APOL3: variants seen among roughly 807,000 people sequenced by gnomAD.
APOL3 encodes apolipoprotein L3, also known as TNF-inducible protein CG12-1.
APOL3 carries 14 observed loss-of-function variants against 11.6 expected under a neutral mutation model. That is an observed-to-expected ratio of 1.21 (90% CI 0.80 to 1.89). The LOEUF (loss-of-function observed/expected upper bound fraction) is 1.89. Ranked by LOEUF, APOL3 falls within the 40% of genes most tolerant of loss-of-function variation. The pLI is 0.00. For synonymous variants in APOL3, 192 were observed against 190.6 expected (o/e 1.01, Z -0.06); for missense variants, 483 against 492.1 (o/e 0.98, Z 0.17).
chr22:36,162,965 A>G (rs191466036), upstream of APOL3, among the ~76,000 whole-genome samples: 25 of 152,366 alleles, frequency 1.6e-4, no homozygotes, highest in African/African-American at 5.5e-4. Context: ...AGAAGTTGCA[A>G]TGAGTGTTGT....
chr22:36,145,634 A>G (rs770511468), intron 1 of APOL3, 35 bp from the exon 3 acceptor site: 12 of 1,609,678 alleles, frequency 7.5e-6, no homozygotes, highest in Non-Finnish European at 1.0e-5. Context: ...ATTGGAAGAA[A>G]GTGTGCTACA....
At chr22:36,148,548 C>T (rs1318229068) in intron 1 of APOL3, among the ~76,000 whole-genome samples, 1 of 152,218 alleles carries the variant, frequency 6.6e-6, no homozygotes, top group East Asian at 1.9e-4. Flanking sequence ...CAGTGGGACG[C>T]TGAGTCACTC....
intron 2 of APOL3, among the ~76,000 whole-genome samples, chr22:36,145,065 G>C (rs1014623108): frequency 4.0e-5 from 6 of 151,042 alleles, no homozygotes; most frequent in Non-Finnish European, 7.4e-5. Flanking sequence ...TTTTGGTCCT[G>C]GTCTCTCCCC....
intron 1 of APOL3, among the ~76,000 whole-genome samples, chr22:36,158,089 A>G (rs1364854818): frequency 6.6e-6 from 1 of 152,186 alleles, no homozygotes; most frequent in East Asian, 1.9e-4. Flanking sequence ...AAAAATGGGT[A>G]AAAGATAGGA....
At chr22:36,163,761 C>T (rs143254651), upstream of APOL3, among the ~76,000 whole-genome samples, 376 of 152,368 alleles carry the variant, frequency 2.5e-3, 3 homozygotes, top group African/African-American at 8.8e-3. Context: ...GATCTCAGTG[C>T]TGTGTATTCT....
At chr22:36,146,009 T>TCACA (rs71193208) in intron 1 of APOL3, 48,347 of 119,694 alleles carry the variant, frequency 0.4, 8,641 homozygotes, top group Middle Eastern at 0.49. Context: ...TCTCACACAC[T>TCACA]CACACACACA....
chr22:36,163,943 A>T (rs1345407008), upstream of APOL3, among the ~76,000 whole-genome samples: 2 of 152,228 alleles, frequency 1.3e-5, no homozygotes, highest in Non-Finnish European at 2.9e-5. Flanking sequence ...CCTTTTTTTA[A>T]ATATTAGCTT....
intron 1 of APOL3, among the ~76,000 whole-genome samples, chr22:36,151,697 A>G (rs1224804243): frequency 6.6e-6 from 1 of 152,248 alleles, no homozygotes; most frequent in Non-Finnish European, 1.5e-5. Context: ...GCTCATGCCT[A>G]TAACCCCATA....
chr22:36,154,598 C>T (rs191805733), intron 1 of APOL3: 6 of 470,672 alleles, frequency 1.3e-5, no homozygotes, highest in African/African-American at 4.0e-5. Flanking sequence ...TGGAAGCTGG[C>T]GTGGACTCCC....
At chr22:36,149,291 A>G (rs2060339713) in intron 1 of APOL3, 149 bp from the exon 2 acceptor site, 2 of 1,305,728 alleles carry the variant, frequency 1.5e-6, no homozygotes, top group South Asian at 1.2e-5. Context: ...CCTGGGCCCC[A>G]GCCAGCTGGT....
At chr22:36,159,950 C>T (rs9610415) in intron 1 of APOL3, among the ~76,000 whole-genome samples, 73 of 151,924 alleles carry the variant, frequency 4.8e-4, no homozygotes, top group South Asian at 3.7e-3. Context: ...GGTGCGATCT[C>T]GACTCACTGC....
intron 1 of APOL3, among the ~76,000 whole-genome samples, chr22:36,160,129 C>T (rs545570089): frequency 2.2e-4 from 34 of 152,252 alleles, no homozygotes; most frequent in Middle Eastern, 6.8e-3. Context: ...GTGATCTACC[C>T]GTCTCGGCCT....
rs375546305 is a variant in APOL3 at position 36,148,984 on chromosome 22, C to T, written c.224-3385G>A. On this transcript the variant is annotated intron_variant, in intron 1 of 2. Coordinates refer to ENST00000349314, the Ensembl canonical transcript of APOL3. ...TCTGGGGCTCACTGAGTTGTGGAAA[C>T]GCCACCCTCCATTCTAGGTGCGAGT... The T allele has an allele frequency of 1.8e-4, 244 of 1,351,070 alleles. 2 individuals carry two copies. In the Middle Eastern group the frequency reaches 8.7e-3, roughly 48 times the overall value. 83.7% of individuals were successfully genotyped at this position (1,351,070 alleles called of 1,614,324 possible).
intron 1 of APOL3, 139 bp downstream of exon 1, chr22:36,160,530 G>T: frequency 1.2e-6 from 1 of 856,414 alleles, no homozygotes. Flanking sequence ...GCAAATTCAG[G>T]CTCTGCCATG....
chr22:36,156,056 G>A, intron 1 of APOL3: 1 of 228,424 alleles, frequency 4.4e-6, no homozygotes, highest in South Asian at 8.9e-5. Flanking sequence ...GAGAGAGAGG[G>A]AGAGAGGGGT....
intron 1 of APOL3, chr22:36,153,260 T>C: frequency 2.8e-6 from 1 of 357,806 alleles, no homozygotes; most frequent in Non-Finnish European, 5.6e-6. Context: ...CAGAAGTTAC[T>C]TTATAGTAGT....
rs940806750 is a variant in APOL3, at chr22:36,156,027, G to A, written c.223+4642C>T. ...AAAGCAGCTCCCTGCAAGTGGCTGT[G>A]GGGCCTCCTCCTTAGGCAGAGAGAG... On this transcript the variant is annotated intron_variant, in intron 1 of 2. Coordinates refer to ENST00000349314, the Ensembl canonical transcript of APOL3. The A allele has an allele frequency of 8.1e-5, 22 of 270,298 alleles. No homozygotes were observed. In the Admixed American group the frequency reaches 8.5e-4, roughly 10 times the overall value. The allele number at this position is 270,298 out of a possible 1,614,324, so 16.7% of individuals were successfully genotyped here. A position where few individuals can be genotyped will look rare whatever the true frequency, so the allele number is the denominator to read the frequency against.
chr22:36,141,900 A>G, exon 3 of APOL3: 1 of 1,614,214 alleles, frequency 6.2e-7, no homozygotes. Context: ...AAGGGCACGA[A>G]GCTTTTCTAT....
intron 2 of APOL3, among the ~76,000 whole-genome samples, chr22:36,143,364 C>A (rs1263599337): frequency 6.6e-6 from 1 of 152,212 alleles, no homozygotes; most frequent in South Asian, 2.1e-4. Context: ...CTGTGATAAA[C>A]CACAATCGTG....
Sources: allele counts gnomAD v4.1 joint callset (sites outside exome capture counted in the v4.1 genomes callset), GRCh38; gene constraint gnomAD v4.1.1; transcripts MANE v1.5; gene names NCBI Gene and HGNC (gene_info 2026-07-23, HGNC 2026-07-21).